MAPRE2: variants seen among roughly 807,000 people sequenced by gnomAD.
MAPRE2 encodes microtubule-associated protein RP/EB family member 2.
A neutral mutation model predicts 43.2 loss-of-function variants in MAPRE2; 13 were observed. The observed-to-expected ratio is 0.30, with a 90% confidence interval of 0.20 to 0.48. The LOEUF is 0.48. Ranked by LOEUF, MAPRE2 falls within the 20% of genes least tolerant of loss-of-function variation. The pLI, the probability that MAPRE2 is intolerant of heterozygous loss-of-function variation, is 0.99. For synonymous variants in MAPRE2, 135 were observed against 148.8 expected (o/e 0.91, Z 0.68); for missense variants, 161 against 400.2 (o/e 0.40, Z 5.10).
intron 1 of MAPRE2, among the ~76,000 whole-genome samples, chr18:35,050,461 T>G (rs1905879280): frequency 6.6e-6 from 1 of 152,178 alleles, no homozygotes; most frequent in African/African-American, 2.4e-5. Context: ...CAATCCATAG[T>G]GGAGATTTTG....
At chr18:35,010,944 A>AT (rs1216872529) in intron 2 of MAPRE2, among the ~76,000 whole-genome samples, 5 of 152,038 alleles carry the variant, frequency 3.3e-5, no homozygotes, top group Non-Finnish European at 7.4e-5. Context: ...CTATTATAAG[A>AT]TTTTTTTTAC....
chr18:34,985,229 T>A lies in MAPRE2; in HGVS notation c.-70+8150T>A, dbSNP rs867464738. On this transcript the variant is annotated intron_variant, in intron 1 of 7. Coordinates refer to the MAPRE2 transcript ENST00000413393. ...ATAATAAAAATAAAATATATAATAT[T>A]ATATATTATATAATATAAAATATAT... 3.9e-4 allele frequency among the ~76,000 whole-genome samples: 22 copies of A among 55,726 alleles called. 1 individual carries two copies. Among genetic ancestry groups the A allele is most frequent in the East Asian group, 2.0e-3 (3 of 1,528 alleles). The allele number at this position is 55,726 out of a possible 152,430, so 36.6% of individuals were successfully genotyped here. A position where few individuals can be genotyped will look rare whatever the true frequency, so the allele number is the denominator to read the frequency against.
intron 2 of MAPRE2, among the ~76,000 whole-genome samples, chr18:35,006,936 T>G (rs2097032131): frequency 6.6e-6 from 1 of 152,122 alleles, no homozygotes. Flanking sequence ...GCACTCCAGC[T>G]TGGGTGACAG....
chr18:35,059,649 A>G (rs1906419707), intron 1 of MAPRE2, among the ~76,000 whole-genome samples: 1 of 152,180 alleles, frequency 6.6e-6, no homozygotes, highest in Admixed American at 6.5e-5. Context: ...CACCGAGGGC[A>G]GAGTAGAGAG....
At chr18:35,117,114 A>G (rs1475881135) in intron 4 of MAPRE2, among the ~76,000 whole-genome samples, 2 of 152,234 alleles carry the variant, frequency 1.3e-5, no homozygotes, top group Admixed American at 6.5e-5. Context: ...TGATACAGTC[A>G]GCAAAATTGG....
intron 1 of MAPRE2, among the ~76,000 whole-genome samples, chr18:35,067,725 C>CAGTATAT (rs1906905024): frequency 6.6e-6 from 1 of 152,114 alleles, no homozygotes; most frequent in African/African-American, 2.4e-5. Flanking sequence ...CTAGAAAAGC[C>CAGTATAT]CATCAGCTGC....
chr18:35,139,142 A>AT (rs1910513857), intron 6 of MAPRE2, among the ~76,000 whole-genome samples: 1 of 152,242 alleles, frequency 6.6e-6, no homozygotes, highest in Non-Finnish European at 1.5e-5. Flanking sequence ...CTCAGTGATC[A>AT]TGCCATATTT....
chr18:35,092,905 A>C (rs752816131), intron 2 of MAPRE2, among the ~76,000 whole-genome samples: 1 of 152,162 alleles, frequency 6.6e-6, no homozygotes, highest in East Asian at 1.9e-4. Context: ...CCTCACCCCG[A>C]TTAGAATGGC....
At chr18:34,999,320 T>G (rs763312865) in intron 1 of MAPRE2, among the ~76,000 whole-genome samples, 1 of 152,226 alleles carries the variant, frequency 6.6e-6, no homozygotes, top group Non-Finnish European at 1.5e-5. Flanking sequence ...TTCCCATATA[T>G]GTAGTTTTGT....
chr18:35,038,710 C>T (rs556913937), upstream of MAPRE2, among the ~76,000 whole-genome samples: 2 of 152,280 alleles, frequency 1.3e-5, no homozygotes, highest in African/African-American at 2.4e-5. Context: ...CTCCCTTTTC[C>T]CTAGGGCTCA....
At chr18:35,074,865 ACTGTCACTGT>A (rs372265534) in intron 2 of MAPRE2, among the ~76,000 whole-genome samples, 360 of 152,216 alleles carry the variant, frequency 2.4e-3, no homozygotes, top group African/African-American at 8.3e-3. Flanking sequence ...TATATCCTGG[ACTGTCACTGT>A]CTGTCACTGA....
chr18:34,985,075 A>G (rs1318951315), intron 1 of MAPRE2, among the ~76,000 whole-genome samples: 2 of 88,358 alleles, frequency 2.3e-5, no homozygotes, highest in Non-Finnish European at 3.9e-5. Context: ...AAAATAAAAT[A>G]TATTATAAAA....
At chr18:34,981,794 T>C (rs1167274944) in intron 1 of MAPRE2, among the ~76,000 whole-genome samples, 1 of 152,214 alleles carries the variant, frequency 6.6e-6, no homozygotes, top group African/African-American at 2.4e-5. Flanking sequence ...CAAGACTAGT[T>C]TGAATTAACT....
intron 4 of MAPRE2, among the ~76,000 whole-genome samples, chr18:35,115,546 CAA>C (rs1909372225): frequency 6.6e-6 from 1 of 152,174 alleles, no homozygotes; most frequent in South Asian, 2.1e-4. Flanking sequence ...CCCGAATCCC[CAA>C]AGTCTGTCAT....
rs780213875 is a variant in MAPRE2 at position 35,009,679 on chromosome 18, G to A, written c.-8+4126G>A. On this transcript the variant is annotated intron_variant, in intron 2 of 7. Transcript: ENST00000413393. ...ATGAGTACATTTACTGAGAATGCAC[G>A]GAGGATAGGCCTGGGATCGGTGAGA... is the stretch of plus-strand genomic sequence containing the variant. Among the ~76,000 whole-genome samples the A allele has an allele frequency of 1.2e-4, 18 of 152,202 alleles. 1 individual carries two copies. The highest frequency in any genetic ancestry group is 6.2e-4 in the South Asian group (3 of 4,830).
At chr18:35,097,890 C>G (rs368330985) in intron 3 of MAPRE2, among the ~76,000 whole-genome samples, 9 of 152,182 alleles carry the variant, frequency 5.9e-5, no homozygotes, top group African/African-American at 2.2e-4. Flanking sequence ...CCAGATGCCA[C>G]TGTGGTTCTT....
intron 4 of MAPRE2, among the ~76,000 whole-genome samples, chr18:35,111,971 C>T (rs147428317): frequency 2.4e-4 from 36 of 152,302 alleles, no homozygotes; most frequent in Non-Finnish European, 3.2e-4. Flanking sequence ...TGCTATTTTA[C>T]AGTCCCCAGT....
chr18:35,078,874 G>A (rs1364945953), intron 2 of MAPRE2, among the ~76,000 whole-genome samples: 2 of 152,168 alleles, frequency 1.3e-5, no homozygotes, highest in African/African-American at 4.8e-5. Flanking sequence ...TAACGAGACA[G>A]AGACATTTGC....
intron 2 of MAPRE2, among the ~76,000 whole-genome samples, 199 bp from the exon 3 acceptor site, chr18:35,097,247 T>G (rs979743123): frequency 1.3e-5 from 2 of 152,166 alleles, no homozygotes; most frequent in African/African-American, 4.8e-5. Flanking sequence ...TGGCAGGTGC[T>G]GTATTGTTGA....
Sources: gnomAD v4.1 joint callset for allele counts (sites outside exome capture counted in the v4.1 genomes callset) on GRCh38, gnomAD v4.1.1 for gene constraint, MANE v1.5 for transcripts, NCBI Gene and HGNC (gene_info 2026-07-23, HGNC 2026-07-21) for gene names.